Variants in PITPNM2 observed in about 807,000 individuals in gnomAD.
The protein encoded by PITPNM2 is membrane-associated phosphatidylinositol transfer protein 2.
PITPNM2 carries 35 observed loss-of-function variants against 132.2 expected under a neutral mutation model. That is an observed-to-expected ratio of 0.26 (90% CI 0.20 to 0.35). The LOEUF is 0.35. Ranked by LOEUF, PITPNM2 falls within the 10% of genes least tolerant of loss-of-function variation. The pLI, the probability that PITPNM2 is intolerant of heterozygous loss-of-function variation, is 1.00. For synonymous variants in PITPNM2, 738 were observed against 799.2 expected (o/e 0.92, Z 1.29); for missense variants, 1,332 against 1,912.0 (o/e 0.70, Z 5.66).
intron 5 of PITPNM2, among the ~76,000 whole-genome samples, chr12:123,011,985 C>A (rs1056037587): frequency 1.3e-5 from 2 of 152,242 alleles, no homozygotes; most frequent in African/African-American, 2.4e-5. Context: ...AACCCGCATG[C>A]CCTGCCTGAG....
intron 8 of PITPNM2, among the ~76,000 whole-genome samples, chr12:123,002,973 C>A (rs60987910): frequency 0.043 from 6,532 of 152,046 alleles, 460 homozygotes; most frequent in African/African-American, 0.15. Context: ...TCCTGGGCTC[C>A]AGCAATCCAC....
intron 2 of PITPNM2, among the ~76,000 whole-genome samples, chr12:123,041,804 C>CGCCCACATGCACA (rs2040488120): frequency 6.6e-6 from 1 of 152,050 alleles, no homozygotes; most frequent in South Asian, 2.1e-4. Context: ...TCTGGGTGGT[C>CGCCCACATGCACA]GCCCACATGC....
chr12:123,007,870 A>T (rs2039008524), intron 6 of PITPNM2, among the ~76,000 whole-genome samples: 1 of 152,092 alleles, frequency 6.6e-6, no homozygotes, highest in African/African-American at 2.4e-5. Context: ...AACCCCCAGG[A>T]GTTGCCTCCT....
chr12:123,007,266 T>C (rs2136212355), intron 6 of PITPNM2, among the ~76,000 whole-genome samples: 1 of 152,336 alleles, frequency 6.6e-6, no homozygotes, highest in East Asian at 1.9e-4. Flanking sequence ...AAGCTGGGAT[T>C]GTGTGGCATC....
chr12:122,996,259 CAG>C (rs1308407837), intron 13 of PITPNM2, among the ~76,000 whole-genome samples, 197 bp downstream of exon 13: 1 of 152,242 alleles, frequency 6.6e-6, no homozygotes, highest in Non-Finnish European at 1.5e-5. Flanking sequence ...GGTTGGGGGT[CAG>C]GGGCTTGGAA....
chr12:122,986,220 A>G lies in PITPNM2; in HGVS notation c.3857T>C (p.Phe1286Ser). Residue 1286 changes from phenylalanine (F) to serine (S), a missense_variant, in exon 26 of 26, where the codon TTT (phenylalanine) becomes TCT (serine). This residue lies in a region of PITPNM2 where 163 missense variants were observed against 177.2 expected (regional missense o/e 0.92). Transcript: ENST00000320201. ...GSFGLPGQGD[F>S]LRSRNHLLRT... is the part of the protein sequence containing the mutation. Reference sequence around the variant, plus strand: ...AAGCAGGTGGTTCCGGGAGCGCAGAAAGTCGCCCTGGCCGGGCAGGCCGAA... The same window carrying G: ...AAGCAGGTGGTTCCGGGAGCGCAGAGAGTCGCCCTGGCCGGGCAGGCCGAA... 6.4e-7 allele frequency: 1 copy of G among 1,566,750 alleles called. No individual in the cohort carries two copies. The highest frequency in any genetic ancestry group is 1.2e-5 in the South Asian group (1 of 85,988).
rs1234662785 is a variant in PITPNM2 at position 122,987,532 on chromosome 12, T to A, written c.3242A>T (p.Tyr1081Phe). 8.7e-6 allele frequency: 14 copies of A among 1,613,446 alleles called. No individual in the cohort carries two copies. The highest frequency in any genetic ancestry group is 1.2e-5 in the Non-Finnish European group (14 of 1,179,792). Residue 1081 changes from tyrosine (Y) to phenylalanine (F), a missense_variant, in exon 22 of 26, where the codon TAC (tyrosine) becomes TTC (phenylalanine). Around this residue, in one of 6 missense-constraint regions of PITPNM2, gnomAD observed 251 missense variants for 472.0 expected, o/e 0.53. Transcript: ENST00000320201. ...ATACCTGACCACCATCTTGATAGGGTAGACACCCACGCCCAGGCGGTGCGA... is the reference window on the plus strand; with the variant it reads ...ATACCTGACCACCATCTTGATAGGGAAGACACCCACGCCCAGGCGGTGCGA... Reference protein sequence around the residue: ...PESHRLGVGVYPIKMVVRGDH... With the variant: ...PESHRLGVGVFPIKMVVRGDH...
intron 2 of PITPNM2, among the ~76,000 whole-genome samples, chr12:123,052,384 T>C (rs765601494): frequency 7.2e-5 from 11 of 152,204 alleles, no homozygotes; most frequent in Non-Finnish European, 1.3e-4. Context: ...AAGGTGTCAG[T>C]AAGGCTGGTG....
chr12:122,998,878 C>T (rs929346947), intron 10 of PITPNM2, among the ~76,000 whole-genome samples: 3 of 152,044 alleles, frequency 2.0e-5, no homozygotes, highest in Non-Finnish European at 4.4e-5. Context: ...TTTGGGAGGC[C>T]GAGGCAGGCA....
At position 122,992,424 on chromosome 12, in the gene PITPNM2, T is replaced by G. The variant is rs2038231798; in HGVS notation, c.2404+75A>C. ...TCACCTGGGGAAGAACCACGTAGCA[T>G]GGAGGACCTAGGAGCCAGGGAGCCA... On this transcript the variant is annotated intron_variant, in intron 16 of 25. Coordinates refer to ENST00000320201, the MANE Select transcript of PITPNM2 (RefSeq NM_020845.3). The surrounding 1 kb of genome is among the most constrained non-coding windows in gnomAD (Gnocchi z 6.5). 1.3e-6 allele frequency: 2 copies of G among 1,488,268 alleles called. No individual in the cohort carries two copies. The highest frequency in any genetic ancestry group is 4.3e-5 in the Admixed American group (2 of 47,028). 92.2% of individuals were successfully genotyped at this position (1,488,268 alleles called of 1,614,324 possible). A position where few individuals can be genotyped will look rare whatever the true frequency, so the allele number is the denominator to read the frequency against.
rs985377436 is a variant in PITPNM2, at chr12:123,115,541, G to GCA, written c.-199-5055_-199-5054dup. On this transcript the variant is annotated intron_variant, in intron 1 of 25. Transcript: ENST00000320201. The stretch of plus-strand genomic sequence containing the variant: ...GAGGGAAAAAACCCAATACGCGCCC[G>GCA]CACACACACACGCACACACACACAT... Among the ~76,000 whole-genome samples the GCA allele has an allele frequency of 3.3e-5, 5 of 151,514 alleles. No homozygotes were observed. In the East Asian group the frequency reaches 9.7e-4, roughly 29 times the overall value.
rs540867209 is a variant in PITPNM2, at chr12:123,111,383, C to T, written c.-199-895G>A. Among the ~76,000 whole-genome samples, 1 of 152,354 alleles carries T rather than the reference C, an allele frequency of 6.6e-6. No homozygotes were observed. The highest frequency in any genetic ancestry group is 2.1e-4 in the South Asian group (1 of 4,830). ...GAACTGATGCCCAATTCCAGGGCAA[C>T]CCTGCTTTAGGAGCTGAGGACAGGC... is the stretch of plus-strand genomic sequence containing the variant. On this transcript the variant is annotated intron_variant, in intron 1 of 25. Transcript: ENST00000320201. This position sits in a 1 kb window ranked among gnomAD's most constrained non-coding sequence, Gnocchi z 4.1.
chr12:123,035,340 T>C (rs529584994), intron 2 of PITPNM2, among the ~76,000 whole-genome samples: 12 of 152,288 alleles, frequency 7.9e-5, no homozygotes, highest in African/African-American at 2.9e-4. Flanking sequence ...AAGAATATAT[T>C]TGATGAAGAT....
rs2038436522 is a variant in PITPNM2, at chr12:122,996,574, A to C, written c.1666T>G (p.Cys556Gly). The C allele has an allele frequency of 1.2e-6, 2 of 1,613,080 alleles. No individual in the cohort carries two copies. Among genetic ancestry groups the C allele is most frequent in the African/African-American group, 1.3e-5 (1 of 75,054 alleles). The change falls in exon 13 of 26, where the codon TGC (cysteine) becomes GGC (glycine). Residue 556 changes from cysteine to glycine, a missense_variant. Transcript: ENST00000320201. ...QEGMTFNGQV[C>G]LIGDCVGGIL... ...CCCCCGACGCAGTCCCCAATCAGGCAGACCTTGGGAGAGAGGGGCCAGAGG... is the reference window on the plus strand; with the variant it reads ...CCCCCGACGCAGTCCCCAATCAGGCCGACCTTGGGAGAGAGGGGCCAGAGG...
chr12:123,060,824 T>C (rs922033188), intron 2 of PITPNM2, among the ~76,000 whole-genome samples: 2 of 152,124 alleles, frequency 1.3e-5, no homozygotes, highest in Admixed American at 6.5e-5. Context: ...CAGGTTGACA[T>C]AGGTGGGGTC....
In PITPNM2 at chr12:122,986,499, G is replaced by A. The variant is rs1239026334; in HGVS notation, c.3663C>T (p.Ser1221=). 1.3e-6 allele frequency: 2 copies of A among 1,591,508 alleles called. No homozygotes were observed. Among genetic ancestry groups the A allele is most frequent in the African/African-American group, 2.7e-5 (2 of 74,750 alleles). Residue 1221 remains serine, a synonymous_variant, in exon 25 of 26, where the codon AGC becomes AGT. Coordinates refer to ENST00000320201, the MANE Select transcript of PITPNM2 (RefSeq NM_020845.3). The part of the protein sequence containing the change: ...TKDVAVYSAI[S]LSPMQIYIVG... ...CGATGTAGATCTGCATGGGGGACAG[G>A]CTAATGGCGCTGTACACCGCCACGT...
intron 1 of PITPNM2, among the ~76,000 whole-genome samples, chr12:123,135,611 A>G (rs970187425): frequency 6.6e-6 from 1 of 152,216 alleles, no homozygotes; most frequent in Admixed American, 6.5e-5. Context: ...GAGATCATGC[A>G]GTATTTGCGT....
rs894641904 is a variant in PITPNM2 at position 122,992,988 on chromosome 12, G to A, written c.2234-319C>T. On this transcript the variant is annotated intron_variant, in intron 15 of 25. Coordinates refer to ENST00000320201, the MANE Select transcript of PITPNM2 (RefSeq NM_020845.3). This position sits in a 1 kb window ranked among gnomAD's most constrained non-coding sequence, Gnocchi z 6.5. ...CCACAGGTGTGCACCACCACACCTG[G>A]CTTTTTTATTTTATTTTTTGTAGAG... Among the ~76,000 whole-genome samples, 8 of 151,998 alleles carry A rather than the reference G, an allele frequency of 5.3e-5. No homozygotes were observed. The highest frequency in any genetic ancestry group is 4.6e-4 in the Admixed American group (7 of 15,254).
intron 1 of PITPNM2, among the ~76,000 whole-genome samples, chr12:123,125,817 G>T (rs1443396873): frequency 6.7e-5 from 9 of 134,028 alleles, no homozygotes; most frequent in African/African-American, 2.6e-4. Context: ...ACTCCAGCCT[G>T]GGCGACAGAG....
Sources: gnomAD v4.1 joint callset for allele counts (sites outside exome capture counted in the v4.1 genomes callset) on GRCh38, gnomAD v4.1.1 for gene constraint, gnomAD v4.1.1 regional missense constraint, Gnocchi (gnomAD v3.1) non-coding constraint, MANE v1.5 for transcripts, NCBI Gene and HGNC (gene_info 2026-07-23, HGNC 2026-07-21) for gene names.